EIF2AK2: variants seen among roughly 807,000 people sequenced by gnomAD.
EIF2AK2 encodes the protein eukaryotic translation initiation factor 2 alpha kinase 2, also known as interferon-induced, double-stranded RNA-activated protein kinase.
A neutral mutation model predicts 70.5 loss-of-function variants in EIF2AK2; 40 were observed. That is an observed-to-expected ratio of 0.57 (90% CI 0.44 to 0.74). The LOEUF (loss-of-function observed/expected upper bound fraction) is 0.74. EIF2AK2 is among the 30% of genes least tolerant of loss of function. The pLI is 0.00. For missense variants in EIF2AK2, 555 were observed against 644.3 expected, an observed-to-expected ratio of 0.86 and a Z score of 1.50; for synonymous variants, 198 against 220.9, an observed-to-expected ratio of 0.90 and a Z score of 0.92.
chr2:37,154,663 C>T (rs62133147), intron 1 of EIF2AK2, among the ~76,000 whole-genome samples: 5,870 of 152,156 alleles, frequency 0.039, 111 homozygotes, highest in African/African-American at 0.05. Flanking sequence ...CGGGTTCAAG[C>T]GATTCTCCTG....
At chr2:37,131,712 G>C (rs1178662668) in intron 10 of EIF2AK2, among the ~76,000 whole-genome samples, 1 of 151,982 alleles carries the variant, frequency 6.6e-6, no homozygotes, top group Non-Finnish European at 1.5e-5. Flanking sequence ...ATTTATAGAT[G>C]GCAGCGCATC....
chr2:37,155,961 A>AAAAG (rs1460122583), intron 1 of EIF2AK2, among the ~76,000 whole-genome samples: 1 of 151,014 alleles, frequency 6.6e-6, no homozygotes, highest in Non-Finnish European at 1.5e-5. Flanking sequence ...AAAAGAAAAG[A>AAAAG]AAAGAAAGAA....
At chr2:37,132,115 C>T (rs1280385381) in intron 10 of EIF2AK2, among the ~76,000 whole-genome samples, 2 of 152,142 alleles carry the variant, frequency 1.3e-5, no homozygotes, top group Non-Finnish European at 2.9e-5. Context: ...TTTAGGGAAC[C>T]GTGAGGCTGA....
At chr2:37,151,907 A>T (rs1019609697) in intron 1 of EIF2AK2, among the ~76,000 whole-genome samples, 1 of 152,222 alleles carries the variant, frequency 6.6e-6, no homozygotes, top group Non-Finnish European at 1.5e-5. Flanking sequence ...TCCACTAAAA[A>T]TACAAAAAAT....
chr2:37,113,689 T>C (rs1336470768), intron 14 of EIF2AK2, among the ~76,000 whole-genome samples: 1 of 151,704 alleles, frequency 6.6e-6, no homozygotes, highest in Non-Finnish European at 1.5e-5. Context: ...AGGATATGAG[T>C]AGAGAATTTG....
chr2:37,150,373 A>G (rs1406066881), intron 1 of EIF2AK2, among the ~76,000 whole-genome samples: 1 of 152,346 alleles, frequency 6.6e-6, no homozygotes, highest in African/African-American at 2.4e-5. Flanking sequence ...GAAATAAAAC[A>G]CTTTAATTCT....
intron 8 of EIF2AK2, 74 bp downstream of exon 8, chr2:37,138,196 T>C: frequency 1.7e-6 from 2 of 1,148,968 alleles, no homozygotes; most frequent in Middle Eastern, 2.0e-4. Flanking sequence ...GGTGGAATAC[T>C]GGAAGTTATT....
At chr2:37,134,730 T>C (rs1276200288) in intron 10 of EIF2AK2, among the ~76,000 whole-genome samples, 1 of 152,228 alleles carries the variant, frequency 6.6e-6, no homozygotes, top group Non-Finnish European at 1.5e-5. Flanking sequence ...TCTTTCTGTA[T>C]CTCCAACTGT....
intron 11 of EIF2AK2, among the ~76,000 whole-genome samples, chr2:37,125,337 C>T (rs1002551189): frequency 1.3e-5 from 2 of 152,156 alleles, no homozygotes; most frequent in Admixed American, 1.3e-4. Context: ...AGAACTCATC[C>T]CCTAGAATGA....
Position 37,138,108 on chromosome 2 carries a change from C to CAA in EIF2AK2, c.687+160_687+161dup, listed in dbSNP as rs59032875. 4.0e-3 allele frequency among the ~76,000 whole-genome samples: 271 copies of CAA among 67,054 alleles called. 7 individuals are homozygous for CAA. The highest frequency in any genetic ancestry group is 0.016 in the Admixed American group (96 of 5,958). 44.0% of individuals were successfully genotyped at this position (67,054 alleles called of 152,430 possible). On this transcript the variant is annotated intron_variant, in intron 8 of 16. Transcript: ENST00000233057. The stretch of plus-strand genomic sequence containing the variant: ...TGGGCAACAGAGGGAGACTCCATCT[C>CAA]AAAAAAAAAAAAAAAAAAAGTCTAC...
chr2:37,129,807 G>A (rs80264591), intron 10 of EIF2AK2, among the ~76,000 whole-genome samples: 5,693 of 152,136 alleles, frequency 0.037, 151 homozygotes, highest in Middle Eastern at 0.058. Flanking sequence ...CTACACAAAC[G>A]GGGACGAATC....
At chr2:37,151,104 T>G (rs1324914091) in intron 1 of EIF2AK2, among the ~76,000 whole-genome samples, 1 of 152,116 alleles carries the variant, frequency 6.6e-6, no homozygotes, top group African/African-American at 2.4e-5. Flanking sequence ...AAATTGGGCT[T>G]CATCAAAATT....
At chr2:37,140,828 T>C (rs1675303165) in intron 5 of EIF2AK2, among the ~76,000 whole-genome samples, 1 of 152,236 alleles carries the variant, frequency 6.6e-6, no homozygotes, top group African/African-American at 2.4e-5. Context: ...TTCATAGAAG[T>C]GTATCCTAAA....
At chr2:37,120,314 GA>G (rs1444303814) in intron 12 of EIF2AK2, among the ~76,000 whole-genome samples, 175 bp from the exon 13 acceptor site, 4 of 149,866 alleles carry the variant, frequency 2.7e-5, no homozygotes, top group African/African-American at 9.8e-5. Flanking sequence ...TCAGGAGATC[GA>G]GACCACGGTG....
At chr2:37,154,017 C>G (rs898743324) in intron 1 of EIF2AK2, among the ~76,000 whole-genome samples, 1 of 152,184 alleles carries the variant, frequency 6.6e-6, no homozygotes, top group Non-Finnish European at 1.5e-5. Flanking sequence ...ACAGCCACAT[C>G]ATGATCTTTT....
chr2:37,136,145 G>A (rs1675119795), intron 9 of EIF2AK2, among the ~76,000 whole-genome samples: 1 of 152,140 alleles, frequency 6.6e-6, no homozygotes, highest in Non-Finnish European at 1.5e-5. Context: ...TAAGCCACCT[G>A]CAAATGGAAG....
chr2:37,134,507 A>G (rs544505769), intron 10 of EIF2AK2, among the ~76,000 whole-genome samples: 33 of 152,274 alleles, frequency 2.2e-4, no homozygotes, highest in African/African-American at 7.5e-4. Flanking sequence ...CCCTCAACCA[A>G]TGCCTCTGGC....
In EIF2AK2 at chr2:37,146,973, C is replaced by G; in HGVS notation, c.120G>C (p.Arg40Ser). 2 of 1,608,494 alleles carry G rather than the reference C, an allele frequency of 1.2e-6. No individual in the cohort carries two copies. The highest frequency in any genetic ancestry group is 1.7e-6 in the Non-Finnish European group (2 of 1,177,774). ...CATCTATTATAACTTGAAATGTAAACCTGATTACAAAGAGAATATTCATAA... is the reference window on the plus strand; with the variant it reads ...CATCTATTATAACTTGAAATGTAAAGCTGATTACAAAGAGAATATTCATAA... ...LPNSGPPHDR[R>S]FTFQVIIDGR... Residue 40 changes from arginine to serine, a missense_variant and splice_region_variant, in exon 4 of 17, where the codon AGG becomes AGC. Coordinates refer to ENST00000233057, the MANE Select transcript of EIF2AK2 (RefSeq NM_001135651.3).
intron 10 of EIF2AK2, among the ~76,000 whole-genome samples, chr2:37,130,116 T>A (rs1303839121): frequency 1.3e-5 from 2 of 152,172 alleles, no homozygotes; most frequent in African/African-American, 2.4e-5. Context: ...ATTTTATTTT[T>A]TTGAGATGGA....
Sources: allele counts gnomAD v4.1 joint callset (sites outside exome capture counted in the v4.1 genomes callset), GRCh38; gene constraint gnomAD v4.1.1; transcripts MANE v1.5; gene names NCBI Gene and HGNC (gene_info 2026-07-23, HGNC 2026-07-21).